PRRC2C: variants seen among roughly 807,000 people sequenced by gnomAD.
The protein encoded by PRRC2C is protein PRRC2C.
PRRC2C carries 72 observed loss-of-function variants against 317.2 expected under a neutral mutation model. The observed-to-expected ratio is 0.23, with a 90% confidence interval of 0.19 to 0.28. The LOEUF is 0.28. Among genes scored for constraint, PRRC2C ranks in the 10% least tolerant of loss-of-function variants. The probability of loss-of-function intolerance (pLI) is 1.00; values close to 1 mark genes in which losing one functional copy is unlikely to be tolerated. For synonymous variants in PRRC2C, 1,296 were observed against 1,205.9 expected, an observed-to-expected ratio of 1.07 and a Z score of -1.55; for missense variants, 3,074 against 3,459.7, an observed-to-expected ratio of 0.89 and a Z score of 2.80.
In PRRC2C at chr1:171,532,801, G is replaced by T; in HGVS notation, c.1713G>T (p.Arg571=). Residue 571 remains arginine (R), a synonymous_variant, in exon 12 of 35, where the codon CGG becomes CGT. Transcript: ENST00000647382. The part of the protein sequence containing the change: ...RKQEKEKELE[R]QKEKEKELQK... ...AAGAAAAAGAAAAAGAACTAGAACG[G>T]CAGAAAGAAAAGGAAAAAGAACTAC... 1.3e-6 allele frequency: 2 copies of T among 1,570,908 alleles called. No individual in the cohort carries two copies. The highest frequency in any genetic ancestry group is 2.4e-5 in the South Asian group (2 of 83,928).
chr1:171,496,022 A>G (rs1257877510), intron 1 of PRRC2C, among the ~76,000 whole-genome samples: 2 of 151,790 alleles, frequency 1.3e-5, no homozygotes, highest in African/African-American at 4.8e-5. Context: ...TTATAAGGAC[A>G]CTAATCCCCT....
chr1:171,589,983 CTT>C lies in PRRC2C; in HGVS notation c.8436+394_8436+395del, dbSNP rs750871044. Among the ~76,000 whole-genome samples the C allele has an allele frequency of 3.0e-3, 369 of 121,054 alleles. 4 individuals carry two copies. Among genetic ancestry groups the C allele is most frequent in the African/African-American group, 9.7e-3 (330 of 34,162 alleles). The allele number at this position is 121,054 out of a possible 152,430, so 79.4% of individuals were successfully genotyped here. On this transcript the variant is annotated intron_variant, in intron 34 of 34. Coordinates refer to ENST00000647382, the MANE Select transcript of PRRC2C (RefSeq NM_001387844.1). ...TATTATAGACTTCCCCATTTTCTTT[CTT>C]TTTTTTTTTTTTTTTAATATATATT...
At position 171,566,339 on chromosome 1, in the gene PRRC2C, C is replaced by T. The variant is rs778680590; in HGVS notation, c.6224C>T (p.Ser2075Leu). ...GNENEVVPVL[S>L]EKSADKIPEP... ...GAAAATGAAGTTGTTCCTGTGCTTT[C>T]GGAAAAATCTGCTGACAAAATACCT... Residue 2075 changes from serine (S) to leucine (L), a missense_variant, in exon 21 of 35, where the codon TCG (serine) becomes TTG (leucine). Physicochemically the swap from Ser to Leu is moderately radical, Grantham distance 145. This residue lies in a region of PRRC2C where 640 missense variants were observed against 676.1 expected (regional missense o/e 0.95). Coordinates refer to ENST00000647382, the MANE Select transcript of PRRC2C (RefSeq NM_001387844.1). 27 of 1,601,358 alleles carry T rather than the reference C, an allele frequency of 1.7e-5. No individual in the cohort carries two copies. The highest frequency in any genetic ancestry group is 1.6e-4 in the Middle Eastern group (1 of 6,066).
At chr1:171,566,546 A>G in intron 21 of PRRC2C, 46 bp from the exon 22 acceptor site, 1 of 1,498,150 alleles carries the variant, frequency 6.7e-7, no homozygotes, top group Non-Finnish European at 8.9e-7. Flanking sequence ...GATGAAAGAT[A>G]CTCATCTATC....
In PRRC2C at chr1:171,540,321, C is replaced by A; in HGVS notation, c.2855C>A (p.Thr952Asn). 6.2e-7 allele frequency: 1 copy of A among 1,613,538 alleles called. No homozygotes were observed. Among genetic ancestry groups the A allele is most frequent in the Non-Finnish European group, 8.5e-7 (1 of 1,179,776 alleles). Residue 952 changes from threonine (T) to asparagine (N), a missense_variant, in exon 16 of 35, where the codon ACC becomes AAC. Around this residue, in one of 11 missense-constraint regions of PRRC2C, gnomAD observed 1,320 missense variants for 1,395.7 expected, o/e 0.95. Coordinates refer to ENST00000647382, the MANE Select transcript of PRRC2C (RefSeq NM_001387844.1). ...SEPSAGIPKV[T>N]SRCIDSKEPI... ...CCATCTGCAGGCATTCCTAAAGTAA[C>A]CAGCAGATGCATTGATTCAAAAGAA...
chr1:171,509,844 C>CTTTTTT (rs11363110), intron 1 of PRRC2C: 74 of 59,762 alleles, frequency 1.2e-3, no homozygotes, highest in Non-Finnish European at 1.6e-3. Context: ...AACATTGTTT[C>CTTTTTT]TTTTTTTTTT....
intron 17 of PRRC2C, among the ~76,000 whole-genome samples, chr1:171,547,703 G>A (rs915444604): frequency 1.3e-5 from 2 of 148,594 alleles, no homozygotes; most frequent in Non-Finnish European, 3.0e-5. Flanking sequence ...GAAGGCGGTG[G>A]TGTAATCTCA....
At chr1:171,519,879 CTG>C (rs961143965) in intron 6 of PRRC2C, among the ~76,000 whole-genome samples, 15 of 152,158 alleles carry the variant, frequency 9.9e-5, no homozygotes, top group Admixed American at 4.6e-4. Context: ...CTAATCTTCT[CTG>C]TATTGTTCCA....
At chr1:171,589,692 A>G in intron 34 of PRRC2C, 87 bp downstream of exon 34, 2 of 937,086 alleles carry the variant, frequency 2.1e-6, no homozygotes, top group Non-Finnish European at 2.9e-6. Flanking sequence ...CTGTATATCC[A>G]GGCATTCATT....
chr1:171,589,964 A>G (rs1360511636), intron 34 of PRRC2C, among the ~76,000 whole-genome samples: 2 of 147,820 alleles, frequency 1.4e-5, no homozygotes, highest in East Asian at 4.0e-4. Context: ...CAATTATTAT[A>G]GACTTCCCCA....
At chr1:171,487,832 T>G (rs1048458835) in intron 1 of PRRC2C, among the ~76,000 whole-genome samples, 4 of 152,198 alleles carry the variant, frequency 2.6e-5, no homozygotes, top group African/African-American at 7.2e-5. Flanking sequence ...ATAAATAATC[T>G]GTAAATTCTC....
At position 171,523,216 on chromosome 1, in the gene PRRC2C, A is replaced by G. The variant is rs373415775; in HGVS notation, c.834-5A>G. The G allele has an allele frequency of 4.4e-6, 7 of 1,604,716 alleles. No homozygotes were observed. The highest frequency in any genetic ancestry group is 4.0e-5 in the African/African-American group (3 of 74,304). ...GTATCTTTTCCATGACCTGCCTTTC[A>G]TTAGAGGCCTTCGAGGAAGAGGCCC... On this transcript the variant is annotated splice_polypyrimidine_tract_variant and splice_region_variant and intron_variant, in intron 7 of 34. Transcript: ENST00000647382.
chr1:171,522,151 C>T (rs1673702122), intron 6 of PRRC2C, 26 bp from the exon 7 acceptor site: 1 of 1,386,940 alleles, frequency 7.2e-7, no homozygotes, highest in Non-Finnish European at 9.9e-7. Context: ...CTAAATTTAT[C>T]ACAATTTTTT....
intron 11 of PRRC2C, among the ~76,000 whole-genome samples, chr1:171,529,135 C>T (rs188884920): frequency 6.6e-6 from 1 of 152,154 alleles, no homozygotes; most frequent in Admixed American, 6.5e-5. Context: ...AGACACCTCG[C>T]TATTTTGTTT....
chr1:171,537,535 A>G, intron 15 of PRRC2C, 62 bp downstream of exon 15: 2 of 1,397,044 alleles, frequency 1.4e-6, no homozygotes, highest in African/African-American at 1.4e-5. Flanking sequence ...AAAACTGTGT[A>G]GTGTTTCTGA....
chr1:171,518,280 G>A (rs191017506), intron 6 of PRRC2C, among the ~76,000 whole-genome samples: 28 of 152,134 alleles, frequency 1.8e-4, no homozygotes, highest in Non-Finnish European at 3.5e-4. Context: ...CTAACATTCT[G>A]TTTAATATAA....
Position 171,491,549 on chromosome 1 carries a change from A to G in PRRC2C, c.-58+5814A>G, listed in dbSNP as rs565957844. Reference sequence around the variant, plus strand: ...CAATGGATGCTCTGAAAGACTCCTTAAGGAGACATATTAAGGATACATTTA... The same window carrying G: ...CAATGGATGCTCTGAAAGACTCCTTGAGGAGACATATTAAGGATACATTTA... On this transcript the variant is annotated intron_variant, in intron 1 of 34. Coordinates refer to ENST00000647382, the MANE Select transcript of PRRC2C (RefSeq NM_001387844.1). Among the ~76,000 whole-genome samples the G allele has an allele frequency of 2.3e-3, 356 of 152,308 alleles. 2 individuals are homozygous for G. The highest frequency in any genetic ancestry group is 8.1e-3 in the African/African-American group (337 of 41,560).
intron 10 of PRRC2C, among the ~76,000 whole-genome samples, chr1:171,526,261 A>G (rs1047632411): frequency 6.6e-6 from 1 of 152,246 alleles, no homozygotes; most frequent in Non-Finnish European, 1.5e-5. Flanking sequence ...GCTTACATAA[A>G]TAAAATTTAG....
chr1:171,573,461 A>G (rs552258797), intron 24 of PRRC2C, among the ~76,000 whole-genome samples: 1 of 152,186 alleles, frequency 6.6e-6, no homozygotes, highest in South Asian at 2.1e-4. Context: ...CTTACTTCCT[A>G]AATTCCCCCA....
Sources: allele counts gnomAD v4.1 joint callset (sites outside exome capture counted in the v4.1 genomes callset), GRCh38; gene constraint gnomAD v4.1.1; regional missense constraint gnomAD v4.1.1; transcripts MANE v1.5; gene names NCBI Gene and HGNC (gene_info 2026-07-23, HGNC 2026-07-21).